The following MS4A3 variants were observed in gnomAD, a reference collection of about 807,000 sequenced individuals.
MS4A3 encodes membrane-spanning 4-domains subfamily A member 3.
A neutral mutation model predicts 24.7 loss-of-function variants in MS4A3; 18 were observed. The observed-to-expected ratio is 0.73, with a 90% confidence interval of 0.50 to 1.08. The LOEUF is 1.08. MS4A3 is among the 50% of genes least tolerant of loss of function. The pLI is 0.00. For synonymous variants in MS4A3, 84 were observed against 95.3 expected (o/e 0.88, Z 0.69); for missense variants, 282 against 251.7 (o/e 1.12, Z -0.82).
intron 6 of MS4A3, 95 bp from the exon 7 acceptor site, chr11:60,070,109 T>G: frequency 9.1e-7 from 1 of 1,098,816 alleles, no homozygotes; most frequent in Non-Finnish European, 1.4e-6. Context: ...ATGAATGGAT[T>G]TTATTGTTGA....
intron 1 of MS4A3, among the ~76,000 whole-genome samples, chr11:60,059,289 A>G (rs1211328715): frequency 6.6e-6 from 1 of 152,166 alleles, no homozygotes. Context: ...AAACATCCTG[A>G]AAGTGGCGTG....
At chr11:60,061,687 T>G (rs565014602) in intron 2 of MS4A3, 10 of 241,192 alleles carry the variant, frequency 4.1e-5, no homozygotes, top group Non-Finnish European at 4.9e-5. Context: ...TGGTCAACAG[T>G]AGGCTATTAG....
intron 3 of MS4A3, among the ~76,000 whole-genome samples, chr11:60,063,941 C>T (rs1265189842): frequency 6.6e-6 from 1 of 151,674 alleles, no homozygotes; most frequent in South Asian, 2.1e-4. Flanking sequence ...GATGGGTGCA[C>T]CAAAATCTCA....
chr11:60,060,425 A>G (rs915924134), intron 1 of MS4A3, among the ~76,000 whole-genome samples: 1 of 152,190 alleles, frequency 6.6e-6, no homozygotes, highest in Non-Finnish European at 1.5e-5. Context: ...GCAACTAGTA[A>G]ATGATGAAAT....
intron 6 of MS4A3, 107 bp downstream of exon 6, chr11:60,069,782 G>T (rs1855446186): frequency 1.2e-6 from 1 of 852,990 alleles, no homozygotes; most frequent in Admixed American, 2.0e-5. Context: ...GTAATGATTT[G>T]TGGAGTTCCT....
chr11:60,060,290 C>T (rs151260768), intron 1 of MS4A3, among the ~76,000 whole-genome samples: 3 of 152,236 alleles, frequency 2.0e-5, no homozygotes, highest in African/African-American at 7.2e-5. Flanking sequence ...CCCATTTTTA[C>T]AGAAGTGAAA....
intron 1 of MS4A3, among the ~76,000 whole-genome samples, chr11:60,059,038 A>C (rs1409256839): frequency 1.3e-5 from 2 of 152,224 alleles, no homozygotes. Flanking sequence ...AATGTAATTT[A>C]ATCTTGGCAT....
intron 1 of MS4A3, among the ~76,000 whole-genome samples, chr11:60,058,377 C>G (rs1855205617): frequency 6.6e-6 from 1 of 151,250 alleles, no homozygotes; most frequent in African/African-American, 2.4e-5. Flanking sequence ...TGTGGTGGTG[C>G]ACGCCTGTAA....
rs1855458027 is a variant in MS4A3, at chr11:60,070,491, A to G, written c.*258A>G. Reference sequence around the variant, plus strand: ...GCATTCTTGGATATCTGTAACTTCTATGATCATTACTCCAAAGTTGTTTCC... The same window carrying G: ...GCATTCTTGGATATCTGTAACTTCTGTGATCATTACTCCAAAGTTGTTTCC... On this transcript the variant is annotated 3_prime_UTR_variant, in exon 7 of 7. Transcript: ENST00000278865. 7.4e-6 allele frequency: 3 copies of G among 405,604 alleles called. No individual in the cohort carries two copies. Among genetic ancestry groups the G allele is most frequent in the Non-Finnish European group, 1.3e-5 (3 of 228,684 alleles). 25.1% of individuals were successfully genotyped at this position (405,604 alleles called of 1,614,324 possible).
chr11:60,062,440 T>TA, intron 2 of MS4A3, 28 bp from the exon 3 acceptor site: 1 of 1,613,870 alleles, frequency 6.2e-7, no homozygotes, highest in Non-Finnish European at 8.5e-7. Flanking sequence ...ATATGACTGT[T>TA]ACGCCTTTTT....
intron 4 of MS4A3, 100 bp from the exon 5 acceptor site, chr11:60,066,851 G>T: frequency 1.0e-6 from 1 of 954,066 alleles, no homozygotes; most frequent in Non-Finnish European, 1.5e-6. Context: ...ATCAGTGGGT[G>T]TGTAAACAAT....
intron 1 of MS4A3, 38 bp from the exon 2 acceptor site, chr11:60,061,108 G>T: frequency 1.3e-6 from 2 of 1,510,268 alleles, no homozygotes; most frequent in South Asian, 2.7e-5. Context: ...GTGGAAAAAG[G>T]GAAAGCATGA....
At chr11:60,069,763 C>T (rs1243019022) in intron 6 of MS4A3, 88 bp downstream of exon 6, 1 of 945,336 alleles carries the variant, frequency 1.1e-6, no homozygotes, top group African/African-American at 1.6e-5. Flanking sequence ...AGAAATAAAC[C>T]TTTATGTGGT....
In MS4A3 at chr11:60,056,891, AG is replaced by A. The variant is rs528246717; in HGVS notation, c.-16+153del. Among the ~76,000 whole-genome samples the A allele has an allele frequency of 2.8e-3, 433 of 152,302 alleles. 1 individual carries two copies. The highest frequency in any genetic ancestry group is 9.9e-3 in the African/African-American group (413 of 41,568). ...TTAACTGTGAACATGGCTTCTCTTT[AG>A]GATGTGATGATTCCTTTGGAGCCAT... is the stretch of plus-strand genomic sequence containing the variant. On this transcript the variant is annotated intron_variant, in intron 1 of 6. Transcript: ENST00000278865.
Position 60,064,302 on chromosome 11 carries a change from A to G in MS4A3, c.335A>G (p.Lys112Arg). 1 of 1,604,094 alleles carries G rather than the reference A, an allele frequency of 6.2e-7. No individual in the cohort carries two copies. The highest frequency in any genetic ancestry group is 8.5e-7 in the Non-Finnish European group (1 of 1,175,232). ...ACCTTGTCTGTTGTAGCAGGGATAAAACCCACAAGAACATGGGTAAGTAGC... is the reference window on the plus strand; with the variant it reads ...ACCTTGTCTGTTGTAGCAGGGATAAGACCCACAAGAACATGGGTAAGTAGC... The part of the protein sequence containing the change: ...SGTLSVVAGI[K>R]PTRTWIQNSF... The change falls in exon 4 of 7, where the codon AAA becomes AGA. Residue 112 changes from lysine to arginine, a missense_variant. Transcript: ENST00000278865.
At chr11:60,057,552 G>T (rs976225249) in intron 1 of MS4A3, among the ~76,000 whole-genome samples, 1 of 152,008 alleles carries the variant, frequency 6.6e-6, no homozygotes, top group Non-Finnish European at 1.5e-5. Context: ...TTACAGGCGC[G>T]TGCTGTCACA....
chr11:60,058,125 T>C (rs1379797872), intron 1 of MS4A3, among the ~76,000 whole-genome samples: 1 of 152,098 alleles, frequency 6.6e-6, no homozygotes, highest in Non-Finnish European at 1.5e-5. Flanking sequence ...TGAGGAAATT[T>C]TGAGAGCAAC....
rs536364773 is a variant in MS4A3, at chr11:60,056,699, A to G, written c.-57A>G. ...GTGTCTCCTACTTGCGACAAGGTGG[A>G]CTTGGGAGGAAAGCCGTCTGCCAAA... On this transcript the variant is annotated 5_prime_UTR_variant, in exon 1 of 7. Transcript: ENST00000278865. 1 of 152,318 alleles carries G rather than the reference A, an allele frequency of 6.6e-6. No homozygotes were observed. Among genetic ancestry groups the G allele is most frequent in the South Asian group, 2.1e-4 (1 of 4,820 alleles). 9.4% of individuals were successfully genotyped at this position (152,318 alleles called of 1,614,324 possible). A position where few individuals can be genotyped will look rare whatever the true frequency, so the allele number is the denominator to read the frequency against.
At chr11:60,058,048 A>G (rs1375159646) in intron 1 of MS4A3, among the ~76,000 whole-genome samples, 2 of 152,182 alleles carry the variant, frequency 1.3e-5, no homozygotes, top group African/African-American at 4.8e-5. Context: ...TGAGTAGACA[A>G]CGAGGTAACA....
Sources: gnomAD v4.1 joint callset for allele counts (sites outside exome capture counted in the v4.1 genomes callset) on GRCh38, gnomAD v4.1.1 for gene constraint, MANE v1.5 for transcripts, NCBI Gene and HGNC (gene_info 2026-07-23, HGNC 2026-07-21) for gene names.